VIT: variants seen among roughly 807,000 people sequenced by gnomAD.
The protein encoded by VIT is vitrin.
In VIT, 99 loss-of-function variants were observed where a neutral mutation model predicts 78.0. The ratio of observed to expected loss-of-function variants is 1.27; its 90% CI spans 1.08 to 1.50. The LOEUF (loss-of-function observed/expected upper bound fraction) is 1.50. Ranked by LOEUF, VIT falls within the 40% of genes most tolerant of loss-of-function variation. The pLI is 0.00. For missense variants in VIT, 1,126 were observed against 875.3 expected (o/e 1.29, Z -3.61); for synonymous variants, 374 against 334.3 (o/e 1.12, Z -1.29).
At position 36,763,998 on chromosome 2, in the gene VIT, T is replaced by C. The variant is rs141448737; in HGVS notation, c.488-3096T>C. 3.8e-4 allele frequency among the ~76,000 whole-genome samples: 58 copies of C among 152,360 alleles called. 1 individual carries two copies. In the East Asian group the frequency reaches 0.011, roughly 29 times the overall value. On this transcript the variant is annotated intron_variant, in intron 6 of 15. Transcript: ENST00000379242. The stretch of plus-strand genomic sequence containing the variant: ...GATACACTTGAAAGCATCTGCATTA[T>C]GAGCAAGTGATACAAAGACTGCCCT...
intron 1 of VIT, among the ~76,000 whole-genome samples, chr2:36,711,123 C>T (rs1665773712): frequency 6.6e-6 from 1 of 152,214 alleles, no homozygotes; most frequent in Non-Finnish European, 1.5e-5. Context: ...CTTTTGCATG[C>T]ATTGCCACAT....
At chr2:36,780,745 T>C (rs1664693233) in intron 9 of VIT, among the ~76,000 whole-genome samples, 1 of 151,638 alleles carries the variant, frequency 6.6e-6, no homozygotes, top group Admixed American at 6.6e-5. Context: ...GAAAAGCTGA[T>C]AGCCTTTAAG....
At chr2:36,805,377 T>A in intron 13 of VIT, 61 bp from the exon 14 acceptor site, 1 of 1,505,278 alleles carries the variant, frequency 6.6e-7, no homozygotes, top group Non-Finnish European at 8.9e-7. Flanking sequence ...GCTGCTGTGA[T>A]CTCTTCCTGT....
chr2:36,699,635 T>TAGATAGATAGATAGAC (rs1664916297), intron 1 of VIT, among the ~76,000 whole-genome samples: 1 of 150,316 alleles, frequency 6.7e-6, no homozygotes, highest in African/African-American at 2.5e-5. Context: ...GGTAGATAGA[T>TAGATAGATAGATAGAC]AGATAGATAG....
chr2:36,805,597 T>G lies in VIT; in HGVS notation c.1322T>G (p.Phe441Cys), dbSNP rs780218035. 1 of 1,614,106 alleles carries G rather than the reference T, an allele frequency of 6.2e-7. No homozygotes were observed. The highest frequency in any genetic ancestry group is 1.1e-5 in the South Asian group (1 of 91,080). ...AGAGAGTCAGGAATCAACATTTTCTTCATCACCATTGAAGGTGCTGCTGAA... is the reference window on the plus strand; with the variant it reads ...AGAGAGTCAGGAATCAACATTTTCTGCATCACCATTGAAGGTGCTGCTGAA... The part of the protein sequence containing the change: ...LARESGINIF[F>C]ITIEGAAENE... Residue 441 changes from phenylalanine (F) to cysteine (C), a missense_variant, in exon 14 of 16, where the codon TTC (phenylalanine) becomes TGC (cysteine). Transcript: ENST00000379242.
chr2:36,738,807 T>G (rs1395099714), intron 3 of VIT, among the ~76,000 whole-genome samples: 3 of 152,196 alleles, frequency 2.0e-5, no homozygotes, highest in African/African-American at 7.2e-5. Context: ...AGACGTTCCA[T>G]GGAAGAAACT....
At chr2:36,745,652 G>A (rs936450619) in intron 4 of VIT, among the ~76,000 whole-genome samples, 2 of 152,030 alleles carry the variant, frequency 1.3e-5, no homozygotes, top group East Asian at 3.9e-4. Context: ...TTTATATATC[G>A]GTTTTGTATT....
rs141264424 is a variant in VIT, at chr2:36,814,325, C to T, written c.2046C>T (p.Asn682=). ...AGTATGTCCCCAGGATCATCCAGAA[C>T]ATTTGTACAGAGTTCAACTCACAGC... ...LHQYVPRIIQ[N]ICTEFNSQPR... is the part of the protein sequence containing the mutation. The change falls in exon 16 of 16, where the codon AAC becomes AAT. Residue 682 remains asparagine, a synonymous_variant. Coordinates refer to ENST00000379242, the MANE Select transcript of VIT (RefSeq NM_053276.4). 1.2e-4 allele frequency: 195 copies of T among 1,614,110 alleles called. No homozygotes were observed. The highest frequency in any genetic ancestry group is 1.6e-4 in the Non-Finnish European group (184 of 1,180,056).
chr2:36,771,538 GAA>G (rs1455327730), intron 7 of VIT, among the ~76,000 whole-genome samples: 208 of 133,194 alleles, frequency 1.6e-3, no homozygotes, highest in African/African-American at 5.7e-3. Flanking sequence ...AAAAAAAAAA[GAA>G]AAAGAAAAAG....
At chr2:36,773,657 G>T (rs753148663) in intron 7 of VIT, 134 bp from the exon 8 acceptor site, 95 of 652,736 alleles carry the variant, frequency 1.5e-4, no homozygotes, top group Non-Finnish European at 2.0e-4. Context: ...CTTGAACCCG[G>T]AGGTTGCAGT....
chr2:36,779,159 C>G (rs1174372248), intron 9 of VIT, among the ~76,000 whole-genome samples: 13 of 152,196 alleles, frequency 8.5e-5, no homozygotes, highest in Admixed American at 8.5e-4. Context: ...GTGCCCTAAC[C>G]AAGTACCCCG....
chr2:36,777,537 G>A (rs1042183449), intron 9 of VIT, among the ~76,000 whole-genome samples: 1 of 152,076 alleles, frequency 6.6e-6, no homozygotes, highest in African/African-American at 2.4e-5. Flanking sequence ...TCAATACTCT[G>A]CTCCCACTAA....
At position 36,708,671 on chromosome 2, in the gene VIT, G is replaced by A. The variant is rs149877692; in HGVS notation, c.-18-7682G>A. Among the ~76,000 whole-genome samples, 12 of 152,122 alleles carry A rather than the reference G, an allele frequency of 7.9e-5. No homozygotes were observed. In the East Asian group the frequency reaches 1.5e-3, roughly 20 times the overall value. ...CTCCCAGTTCTGAAGCTCCTCTGTC[G>A]CTGGGTCCTGTCCTTTCCTGTTCAC... On this transcript the variant is annotated intron_variant, in intron 1 of 15. Transcript: ENST00000379242.
At chr2:36,765,622 A>T (rs1287425962) in intron 6 of VIT, among the ~76,000 whole-genome samples, 2 of 152,232 alleles carry the variant, frequency 1.3e-5, no homozygotes. Context: ...ACACGGACCC[A>T]AACCATATCA....
chr2:36,742,124 C>G (rs13418106), intron 3 of VIT, among the ~76,000 whole-genome samples: 1,987 of 152,256 alleles, frequency 0.013, 38 homozygotes, highest in African/African-American at 0.045. Context: ...AATATATTCC[C>G]AGATCAAAAG....
intron 11 of VIT, among the ~76,000 whole-genome samples, chr2:36,786,776 T>G (rs750394905): frequency 6.6e-6 from 1 of 152,232 alleles, no homozygotes; most frequent in Non-Finnish European, 1.5e-5. Context: ...TGCGACTCAG[T>G]CTTGATGAAT....
At chr2:36,775,601 T>C (rs1670002022) in intron 9 of VIT, among the ~76,000 whole-genome samples, 1 of 152,226 alleles carries the variant, frequency 6.6e-6, no homozygotes, top group African/African-American at 2.4e-5. Context: ...TGGGATTCTC[T>C]GTTTCTTCTC....
At chr2:36,697,444 C>T (rs986717979) in intron 1 of VIT, among the ~76,000 whole-genome samples, 1 of 152,214 alleles carries the variant, frequency 6.6e-6, no homozygotes, top group African/African-American at 2.4e-5. Flanking sequence ...TCGTGTGGAT[C>T]TCTACTTCTC....
At chr2:36,713,227 G>C (rs1273161354) in intron 1 of VIT, among the ~76,000 whole-genome samples, 1 of 152,162 alleles carries the variant, frequency 6.6e-6, no homozygotes, top group African/African-American at 2.4e-5. Flanking sequence ...GCAAAGATTT[G>C]AAAGAAATGA....
Sources: allele counts gnomAD v4.1 joint callset (sites outside exome capture counted in the v4.1 genomes callset), GRCh38; gene constraint gnomAD v4.1.1; transcripts MANE v1.5; gene names NCBI Gene and HGNC (gene_info 2026-07-23, HGNC 2026-07-21).